TTLL7: variants seen among roughly 807,000 people sequenced by gnomAD.
TTLL7 encodes the protein tubulin polyglutamylase TTLL7.
TTLL7 carries 53 observed loss-of-function variants against 120.2 expected under a neutral mutation model. The ratio of observed to expected loss-of-function variants is 0.44; its 90% CI spans 0.35 to 0.55. TTLL7 has a LOEUF of 0.55. Ranked by LOEUF, TTLL7 falls within the 20% of genes least tolerant of loss-of-function variation. The pLI is 0.00. For synonymous variants in TTLL7, 353 were observed against 351.7 expected (o/e 1.00, Z -0.04); for missense variants, 803 against 1,054.7 (o/e 0.76, Z 3.31).
intron 1 of TTLL7, among the ~76,000 whole-genome samples, chr1:83,965,054 C>A (rs757032555): frequency 2.0e-5 from 3 of 152,002 alleles, no homozygotes; most frequent in Non-Finnish European, 4.4e-5. Flanking sequence ...GTGAGCATGC[C>A]ACGTTGCTGG....
intron 20 of TTLL7, among the ~76,000 whole-genome samples, chr1:83,875,516 C>T (rs1571014023): frequency 1.3e-5 from 2 of 151,872 alleles, no homozygotes; most frequent in South Asian, 4.1e-4. Flanking sequence ...GTCTTATGCA[C>T]ATGTGCACAC....
chr1:83,906,744 C>T (rs188311304), intron 16 of TTLL7, among the ~76,000 whole-genome samples: 488 of 152,026 alleles, frequency 3.2e-3, no homozygotes, highest in Non-Finnish European at 5.0e-3. Context: ...GTTTCATTTG[C>T]TACATATACC....
intron 18 of TTLL7, among the ~76,000 whole-genome samples, chr1:83,903,136 T>C (rs1477533684): frequency 3.9e-5 from 6 of 152,008 alleles, no homozygotes; most frequent in African/African-American, 1.4e-4. Context: ...CCAGTATCTT[T>C]CCATAGCCTA....
intron 1 of TTLL7, among the ~76,000 whole-genome samples, chr1:83,977,325 CT>C (rs1167931176): frequency 6.6e-6 from 1 of 152,086 alleles, no homozygotes; most frequent in Non-Finnish European, 1.5e-5. Context: ...ACCATATACA[CT>C]GCTCCATAAA....
chr1:83,883,148 G>T lies in TTLL7; in HGVS notation c.2370-12C>A. The T allele has an allele frequency of 6.4e-7, 1 of 1,569,886 alleles. No homozygotes were observed. The highest frequency in any genetic ancestry group is 8.6e-7 in the Non-Finnish European group (1 of 1,156,966). ...TCTCCCAAGAGGATCTGTTGGCATGGAAACAGACATGATCTCATGTTGGCT... is the reference window on the plus strand; with the variant it reads ...TCTCCCAAGAGGATCTGTTGGCATGTAAACAGACATGATCTCATGTTGGCT... On this transcript the variant is annotated splice_polypyrimidine_tract_variant and intron_variant, in intron 19 of 20. Coordinates refer to ENST00000260505, the MANE Select transcript of TTLL7 (RefSeq NM_024686.6).
At chr1:83,959,769 A>G (rs1257324314) in intron 1 of TTLL7, among the ~76,000 whole-genome samples, 1 of 152,176 alleles carries the variant, frequency 6.6e-6, no homozygotes, top group Non-Finnish European at 1.5e-5. Context: ...ATCAACACCA[A>G]CAAGGGAGTG....
Position 83,870,091 on chromosome 1 carries a change from G to C in TTLL7, c.2544-9C>G, listed in dbSNP as rs928385021. 1.3e-6 allele frequency: 2 copies of C among 1,538,090 alleles called. No homozygotes were observed. The highest frequency in any genetic ancestry group is 1.7e-6 in the Non-Finnish European group (2 of 1,151,410). ...TCCCTGGTAGTAAATACCTAAAAAT[G>C]ATGGTTAACAAATTAGATTTTTACA... is the stretch of plus-strand genomic sequence containing the variant. On this transcript the variant is annotated splice_polypyrimidine_tract_variant and intron_variant, in intron 20 of 20. Coordinates refer to ENST00000260505, the MANE Select transcript of TTLL7 (RefSeq NM_024686.6).
chr1:83,980,020 T>C (rs1424952392), intron 1 of TTLL7: 1 of 152,242 alleles, frequency 6.6e-6, no homozygotes, highest in Non-Finnish European at 1.5e-5. Context: ...GCTTGTGCAA[T>C]TACTACAAAT....
At chr1:83,949,739 C>T (rs961683596) in intron 4 of TTLL7, 126 bp downstream of exon 4, 2 of 1,006,614 alleles carry the variant, frequency 2.0e-6, no homozygotes, top group African/African-American at 3.3e-5. Flanking sequence ...AGCAACAAAA[C>T]AGGCTATTCA....
At chr1:83,936,292 A>G (rs1647388625) in intron 8 of TTLL7, among the ~76,000 whole-genome samples, 1 of 152,132 alleles carries the variant, frequency 6.6e-6, no homozygotes, top group African/African-American at 2.4e-5. Context: ...AAGCAGCCCA[A>G]CAGGTTTTCA....
chr1:83,891,664 TC>T (rs905235355), intron 18 of TTLL7, among the ~76,000 whole-genome samples: 1 of 152,054 alleles, frequency 6.6e-6, no homozygotes, highest in African/African-American at 2.4e-5. Context: ...ATCGAACTCT[TC>T]AACAACAGGA....
rs115260798 is a variant in TTLL7 at position 83,940,409 on chromosome 1, C to T, written c.723+2054G>A. ...TCAGAAATGTCTTCTGAACTTCAAA[C>T]TTATACTGTACAACCAAATGCCTAC... On this transcript the variant is annotated intron_variant, in intron 7 of 20. Coordinates refer to ENST00000260505, the MANE Select transcript of TTLL7 (RefSeq NM_024686.6). Among the ~76,000 whole-genome samples the T allele has an allele frequency of 5.4e-3, 826 of 152,272 alleles. 5 individuals are homozygous for T. Among genetic ancestry groups the T allele is most frequent in the African/African-American group, 0.019 (782 of 41,572 alleles).
chr1:83,906,320 C>T lies in TTLL7; in HGVS notation c.2127+9G>A. On this transcript the variant is annotated intron_variant, in intron 17 of 20. Transcript: ENST00000260505. ...GCTCCTTGGCATTTTAGATACATCA[C>T]ATACTCACATCTTCTATCAGAAGTT... The T allele has an allele frequency of 6.2e-7, 1 of 1,609,868 alleles. No individual in the cohort carries two copies. Among genetic ancestry groups the T allele is most frequent in the Non-Finnish European group, 8.5e-7 (1 of 1,177,548 alleles).
intron 3 of TTLL7, among the ~76,000 whole-genome samples, 182 bp from the exon 4 acceptor site, chr1:83,950,168 T>C (rs764452201): frequency 1.3e-5 from 2 of 152,192 alleles, no homozygotes; most frequent in Admixed American, 6.5e-5. Context: ...CAGTAGTAAC[T>C]GAGAACTGTT....
At chr1:83,978,297 C>A (rs1431008145) in intron 1 of TTLL7, among the ~76,000 whole-genome samples, 1 of 152,140 alleles carries the variant, frequency 6.6e-6, no homozygotes, top group Non-Finnish European at 1.5e-5. Context: ...GCTTTTCTTT[C>A]TCAGCTTCCC....
At position 83,870,062 on chromosome 1, in the gene TTLL7, G is replaced by GTGC; in HGVS notation, c.2561_2563dup (p.Ser854dup). 6.4e-7 allele frequency: 1 copy of GTGC among 1,569,254 alleles called. No individual in the cohort carries two copies. Among genetic ancestry groups the GTGC allele is most frequent in the Non-Finnish European group, 8.6e-7 (1 of 1,164,920 alleles). On this transcript the variant is annotated inframe_insertion, in exon 21 of 21. Transcript: ENST00000260505. Reference sequence around the variant, plus strand: ...GGTTGGTGTTCTCAAGAAGAATTGGGTGCTCCCTGGTAGTAAATACCTAAA... The same window carrying GTGC: ...GGTTGGTGTTCTCAAGAAGAATTGGGTGCTGCTCCCTGGTAGTAAATACCTAAA...
intron 10 of TTLL7, among the ~76,000 whole-genome samples, chr1:83,927,827 T>A (rs776479198): frequency 6.6e-6 from 1 of 152,134 alleles, no homozygotes; most frequent in Non-Finnish European, 1.5e-5. Context: ...GTGTTCTTAG[T>A]TCCTGCTTAA....
intron 14 of TTLL7, 32 bp from the exon 15 acceptor site, chr1:83,911,395 G>A (rs1571156959): frequency 1.3e-6 from 2 of 1,538,986 alleles, no homozygotes; most frequent in Non-Finnish European, 1.8e-6. Flanking sequence ...TATTTTGTTA[G>A]AATTCTTAAA....
chr1:83,955,884 C>T (rs1649465170), intron 1 of TTLL7, among the ~76,000 whole-genome samples: 2 of 152,088 alleles, frequency 1.3e-5, no homozygotes, highest in South Asian at 4.2e-4. Flanking sequence ...GCCTGTAGTC[C>T]CAGATACCTG....
Sources: allele counts gnomAD v4.1 joint callset (sites outside exome capture counted in the v4.1 genomes callset), GRCh38; gene constraint gnomAD v4.1.1; transcripts MANE v1.5; gene names NCBI Gene and HGNC (gene_info 2026-07-23, HGNC 2026-07-21).